Variants in WDR70 observed in about 807,000 individuals in gnomAD.
The protein encoded by WDR70 is WD repeat domain 70.
In WDR70, 53 loss-of-function variants were observed where a neutral mutation model predicts 88.6. The observed-to-expected ratio is 0.60, with a 90% CI of 0.48 to 0.75. WDR70 has a LOEUF of 0.75. Ranked by LOEUF, WDR70 falls within the 30% of genes least tolerant of loss-of-function variation. WDR70 has a pLI of 0.00. For missense variants in WDR70, 610 were observed against 823.2 expected (o/e 0.74, Z 3.17); for synonymous variants, 280 against 270.0 (o/e 1.04, Z -0.36).
In WDR70 at chr5:37,641,529, G is replaced by A. The variant is rs201716735; in HGVS notation, c.1092+36291G>A. 2.0e-5 allele frequency among the ~76,000 whole-genome samples: 3 copies of A among 149,326 alleles called. No homozygotes were observed. In the East Asian group the frequency reaches 5.9e-4, roughly 29 times the overall value. On this transcript the variant is annotated intron_variant, in intron 10 of 17. Coordinates refer to ENST00000265107, the MANE Select transcript of WDR70 (RefSeq NM_018034.4). ...CCTCATGGGTTCAAGTGATTATCCT[G>A]CCTCAGCCTCCCGAGTAGCTGGGAT... is the stretch of plus-strand genomic sequence containing the variant.
At chr5:37,412,644 CTCTG>C (rs1209046841) in intron 5 of WDR70, among the ~76,000 whole-genome samples, 2 of 152,156 alleles carry the variant, frequency 1.3e-5, no homozygotes, top group Admixed American at 6.5e-5. Flanking sequence ...TCTCCATGAA[CTCTG>C]TCTGACTCCC....
chr5:37,735,830 AC>A (rs1748290174), intron 17 of WDR70, among the ~76,000 whole-genome samples: 1 of 152,164 alleles, frequency 6.6e-6, no homozygotes. Context: ...AGATTTATTT[AC>A]CATATCTCGC....
At position 37,726,980 on chromosome 5, in the gene WDR70, A is replaced by G. The variant is rs754239796; in HGVS notation, c.1812A>G (p.Glu604=). 7.4e-6 allele frequency: 12 copies of G among 1,611,592 alleles called. No individual in the cohort carries two copies. Among genetic ancestry groups the G allele is most frequent in the Non-Finnish European group, 1.0e-5 (12 of 1,178,858 alleles). Residue 604 remains glutamate (E), a synonymous_variant, in exon 17 of 18, where the codon GAA becomes GAG. Transcript: ENST00000265107. ...LDKTDDSNPR[E]AILRHAKAAE... is the part of the protein sequence containing the mutation. ...AGACCGATGACAGTAATCCTCGGGA[A>G]GCCATTTTGCGTCATGCCAAAGCAG... is the stretch of plus-strand genomic sequence containing the variant.
intron 9 of WDR70, among the ~76,000 whole-genome samples, chr5:37,549,675 GAAT>G (rs1271205331): frequency 6.6e-6 from 1 of 152,168 alleles, no homozygotes; most frequent in Non-Finnish European, 1.5e-5. Context: ...GCACTGTGTT[GAAT>G]AACAGTGGTG....
At chr5:37,653,573 C>A (rs1745466189) in intron 10 of WDR70, among the ~76,000 whole-genome samples, 1 of 152,002 alleles carries the variant, frequency 6.6e-6, no homozygotes, top group African/African-American at 2.4e-5. Flanking sequence ...TGGTCCTGGG[C>A]TTTTTTTGGT....
At chr5:37,706,738 C>CAT (rs1554013834) in intron 13 of WDR70, among the ~76,000 whole-genome samples, 55 of 55,296 alleles carry the variant, frequency 9.9e-4, no homozygotes, top group Non-Finnish European at 2.3e-3. Context: ...CACACACACA[C>CAT]GCACACAGAC....
At chr5:37,501,699 G>A (rs139556791) in intron 8 of WDR70, among the ~76,000 whole-genome samples, 1 of 151,982 alleles carries the variant, frequency 6.6e-6, no homozygotes, top group African/African-American at 2.4e-5. Flanking sequence ...TGAATAGGGT[G>A]TTCTTTCTCC....
At position 37,721,369 on chromosome 5, in the gene WDR70, A is replaced by G. The variant is rs965344928; in HGVS notation, c.1517+154A>G. The G allele has an allele frequency of 2.2e-5, 14 of 650,016 alleles. No individual in the cohort carries two copies. In the Middle Eastern group the frequency reaches 1.2e-3, roughly 56 times the overall value. The allele number at this position is 650,016 out of a possible 1,614,324, so 40.3% of individuals were successfully genotyped here. A position where few individuals can be genotyped will look rare whatever the true frequency, so the allele number is the denominator to read the frequency against. On this transcript the variant is annotated intron_variant, in intron 14 of 17. Coordinates refer to ENST00000265107, the MANE Select transcript of WDR70 (RefSeq NM_018034.4). ...CAAAGTAAAGCCTCAAACTCCTGGT[A>G]TTGTGCTTTAAAAAGGATTTGAATA... is the stretch of plus-strand genomic sequence containing the variant.
chr5:37,751,419 A>G (rs778445549), intron 17 of WDR70, among the ~76,000 whole-genome samples: 4 of 152,192 alleles, frequency 2.6e-5, no homozygotes, highest in African/African-American at 4.8e-5. Flanking sequence ...GAGAGACAGG[A>G]ATAATGATCA....
At chr5:37,553,840 ATGCCTCTAT>A (rs1448344576) in intron 9 of WDR70, among the ~76,000 whole-genome samples, 9 of 152,328 alleles carry the variant, frequency 5.9e-5, no homozygotes, top group African/African-American at 2.2e-4. Flanking sequence ...TAATGTCTCC[ATGCCTCTAT>A]TTTGTCTTCT....
chr5:37,642,892 C>T (rs1745140144), intron 10 of WDR70, among the ~76,000 whole-genome samples: 1 of 151,928 alleles, frequency 6.6e-6, no homozygotes. Flanking sequence ...GTTATTAATC[C>T]CTTGTCAGAT....
chr5:37,397,092 G>A (rs925684991), intron 5 of WDR70, among the ~76,000 whole-genome samples: 3 of 151,656 alleles, frequency 2.0e-5, no homozygotes, highest in Non-Finnish European at 4.4e-5. Flanking sequence ...CAGTGAGGTC[G>A]ACAGATGGCA....
rs1748849274 is a variant in WDR70, at chr5:37,752,645, C to T, written c.*72C>T. 9 of 1,068,090 alleles carry T rather than the reference C, an allele frequency of 8.4e-6. No individual in the cohort carries two copies. In the South Asian group the frequency reaches 1.0e-4, roughly 12 times the overall value. The allele number at this position is 1,068,090 out of a possible 1,614,324, so 66.2% of individuals were successfully genotyped here. ...CAGGTTTGGGTTTTTTTTTTATGCT[C>T]ATGAAATTAAAAATTCATTTTTATG... On this transcript the variant is annotated 3_prime_UTR_variant, in exon 18 of 18. Transcript: ENST00000265107.
intron 5 of WDR70, among the ~76,000 whole-genome samples, chr5:37,408,692 A>G (rs924953819): frequency 2.0e-5 from 3 of 152,186 alleles, no homozygotes; most frequent in Admixed American, 6.5e-5. Context: ...GCTTTCAGTT[A>G]TAGCAATGAC....
chr5:37,633,889 T>C (rs571162412), intron 10 of WDR70, among the ~76,000 whole-genome samples: 6 of 152,316 alleles, frequency 3.9e-5, no homozygotes, highest in Admixed American at 6.5e-5. Flanking sequence ...GGGCTGTGTG[T>C]ATGTTCAAGT....
intron 13 of WDR70, among the ~76,000 whole-genome samples, chr5:37,717,276 A>G (rs1251638547): frequency 6.6e-6 from 1 of 152,230 alleles, no homozygotes; most frequent in Non-Finnish European, 1.5e-5. Flanking sequence ...AATTAAGCAA[A>G]TAAGTTTATT....
intron 10 of WDR70, among the ~76,000 whole-genome samples, chr5:37,612,586 G>A (rs1160417437): frequency 6.6e-6 from 1 of 152,040 alleles, no homozygotes; most frequent in African/African-American, 2.4e-5. Flanking sequence ...TTAACTCCTA[G>A]GGTACTTACA....
intron 10 of WDR70, among the ~76,000 whole-genome samples, chr5:37,689,173 A>C (rs1746703934): frequency 6.6e-6 from 1 of 152,250 alleles, no homozygotes; most frequent in South Asian, 2.1e-4. Context: ...AGGTAAACAA[A>C]GCAGCTAGGA....
chr5:37,681,283 C>T (rs955244957), intron 10 of WDR70, among the ~76,000 whole-genome samples: 3 of 151,948 alleles, frequency 2.0e-5, no homozygotes, highest in Non-Finnish European at 2.9e-5. Context: ...GGTTTTGTAT[C>T]CTGAGGCTTT....
Sources: allele counts gnomAD v4.1 joint callset (sites outside exome capture counted in the v4.1 genomes callset), GRCh38; gene constraint gnomAD v4.1.1; transcripts MANE v1.5; gene names NCBI Gene and HGNC (gene_info 2026-07-23, HGNC 2026-07-21).